The following BICC1 variants were observed in gnomAD, a reference collection of about 807,000 sequenced individuals.
BICC1 encodes protein bicaudal C homolog 1.
In BICC1, 43 loss-of-function variants were observed where a neutral mutation model predicts 111.0. That is an observed-to-expected ratio of 0.39 (90% CI 0.30 to 0.50). The LOEUF is 0.50. Ranked by LOEUF, BICC1 falls within the 20% of genes least tolerant of loss-of-function variation. The pLI is 0.88. For missense variants in BICC1, 1,091 were observed against 1,203.2 expected, an observed-to-expected ratio of 0.91 and a Z score of 1.38; for synonymous variants, 467 against 434.4, an observed-to-expected ratio of 1.07 and a Z score of -0.93.
rs188315233 is a variant in BICC1, at chr10:58,784,104, T to A, written c.308-897T>A. On this transcript the variant is annotated intron_variant, in intron 3 of 20. Transcript: ENST00000373886. Reference sequence around the variant, plus strand: ...CTCATAGCTGGTACTTCCTCATCTTTTTGTGTTACTCTTCTTTTTCTTTTT... The same window carrying A: ...CTCATAGCTGGTACTTCCTCATCTTATTGTGTTACTCTTCTTTTTCTTTTT... 2.0e-3 allele frequency among the ~76,000 whole-genome samples: 309 copies of A among 152,314 alleles called. 4 individuals carry two copies. Among genetic ancestry groups the A allele is most frequent in the South Asian group, 7.3e-3 (35 of 4,824 alleles).
chr10:58,823,021 A>G (rs576004948), intron 20 of BICC1, among the ~76,000 whole-genome samples: 30 of 151,780 alleles, frequency 2.0e-4, no homozygotes, highest in East Asian at 3.9e-4. Context: ...TTTATCTCCA[A>G]TGGAGATGGA....
At position 58,521,147 on chromosome 10, in the gene BICC1, A is replaced by G. The variant is rs186962787; in HGVS notation, c.190+7814A>G. Among the ~76,000 whole-genome samples, 338 of 152,218 alleles carry G rather than the reference A, an allele frequency of 2.2e-3. 3 individuals carry two copies. Among genetic ancestry groups the G allele is most frequent in the African/African-American group, 7.5e-3 (311 of 41,540 alleles). ...TGTTTAAACACTACAACATTTTAGA[A>G]TATTTTTAGGTGGCTAGACAGTGGA... On this transcript the variant is annotated intron_variant, in intron 1 of 20. Coordinates refer to ENST00000373886, the MANE Select transcript of BICC1 (RefSeq NM_001080512.3).
At chr10:58,791,138 C>A (rs1199259174) in intron 8 of BICC1, among the ~76,000 whole-genome samples, 1 of 151,814 alleles carries the variant, frequency 6.6e-6, no homozygotes, top group South Asian at 2.1e-4. Flanking sequence ...TTTTTTTAGC[C>A]GAGCTTATTT....
intron 1 of BICC1, among the ~76,000 whole-genome samples, chr10:58,560,323 C>A (rs1173528770): frequency 1.3e-5 from 2 of 152,014 alleles, no homozygotes; most frequent in Non-Finnish European, 2.9e-5. Flanking sequence ...TTATTCATTT[C>A]CTCTAGGTTT....
chr10:58,670,431 A>C (rs900452414), intron 2 of BICC1, among the ~76,000 whole-genome samples: 3 of 152,144 alleles, frequency 2.0e-5, no homozygotes, highest in Non-Finnish European at 4.4e-5. Context: ...ACGCCTTCCA[A>C]AAAACTCCAC....
intron 2 of BICC1, among the ~76,000 whole-genome samples, chr10:58,676,898 G>A (rs1057033503): frequency 1.3e-5 from 2 of 152,156 alleles, no homozygotes; most frequent in Non-Finnish European, 2.9e-5. Flanking sequence ...TGGTGATATC[G>A]AGGCAAACAG....
At chr10:58,821,942 C>T (rs1844262053) in intron 20 of BICC1, among the ~76,000 whole-genome samples, 1 of 152,064 alleles carries the variant, frequency 6.6e-6, no homozygotes, top group African/African-American at 2.4e-5. Context: ...TATCATCAGG[C>T]TTAGTGAAAA....
intron 2 of BICC1, among the ~76,000 whole-genome samples, chr10:58,663,458 T>C (rs1378861778): frequency 1.3e-5 from 2 of 152,154 alleles, no homozygotes; most frequent in Non-Finnish European, 2.9e-5. Context: ...TTTTCCAACA[T>C]GTCATTTAAA....
chr10:58,578,452 C>G (rs1186382573), intron 1 of BICC1, among the ~76,000 whole-genome samples: 2 of 152,136 alleles, frequency 1.3e-5, no homozygotes, highest in African/African-American at 4.8e-5. Flanking sequence ...ATGTATTGTT[C>G]CGGCTAATCC....
intron 1 of BICC1, among the ~76,000 whole-genome samples, chr10:58,550,100 C>G (rs1843256028): frequency 6.6e-6 from 1 of 152,104 alleles, no homozygotes; most frequent in African/African-American, 2.4e-5. Context: ...AAAGCAGCCT[C>G]AAAATCCTGG....
chr10:58,824,853 T>A (rs1311527941), intron 20 of BICC1, among the ~76,000 whole-genome samples: 2 of 152,200 alleles, frequency 1.3e-5, no homozygotes, highest in Non-Finnish European at 2.9e-5. Context: ...AGTCTGATGA[T>A]TCTGTGTACT....
intron 1 of BICC1, among the ~76,000 whole-genome samples, chr10:58,583,355 C>T (rs1353137241): frequency 6.6e-6 from 1 of 152,088 alleles, no homozygotes; most frequent in East Asian, 1.9e-4. Flanking sequence ...AGTCTTTTAT[C>T]CCTCATCCCC....
intron 1 of BICC1, among the ~76,000 whole-genome samples, chr10:58,594,448 G>T (rs1228137357): frequency 6.6e-6 from 1 of 152,018 alleles, no homozygotes; most frequent in South Asian, 2.1e-4. Context: ...TTGAAATGAG[G>T]GAAAAAATAT....
At chr10:58,730,781 G>A (rs151290316) in intron 3 of BICC1, among the ~76,000 whole-genome samples, 4 of 152,210 alleles carry the variant, frequency 2.6e-5, no homozygotes, top group Non-Finnish European at 5.9e-5. Flanking sequence ...GCTCTTTTGA[G>A]TCAGGGCTGC....
chr10:58,597,285 G>A (rs1844847393), intron 1 of BICC1, among the ~76,000 whole-genome samples: 1 of 151,978 alleles, frequency 6.6e-6, no homozygotes, highest in Non-Finnish European at 1.5e-5. Flanking sequence ...AAAAGGGGAG[G>A]GGGTGTAAGA....
At chr10:58,592,787 G>T (rs1844669578) in intron 1 of BICC1, among the ~76,000 whole-genome samples, 1 of 141,150 alleles carries the variant, frequency 7.1e-6, no homozygotes, top group African/African-American at 2.6e-5. Context: ...TGAAGCAGAA[G>T]AATTGCTTGA....
intron 3 of BICC1, among the ~76,000 whole-genome samples, chr10:58,731,736 G>A (rs1841304119): frequency 6.6e-6 from 1 of 151,394 alleles, no homozygotes; most frequent in Non-Finnish European, 1.5e-5. Context: ...GAGAGAGGGA[G>A]GGAGTGGGGG....
intron 1 of BICC1, among the ~76,000 whole-genome samples, chr10:58,547,334 A>G (rs996437666): frequency 6.6e-6 from 1 of 152,196 alleles, no homozygotes; most frequent in Admixed American, 6.5e-5. Flanking sequence ...GAAGTATTCC[A>G]TAAAACATCC....
intron 1 of BICC1, among the ~76,000 whole-genome samples, chr10:58,583,938 A>T (rs1479094894): frequency 6.6e-6 from 1 of 151,888 alleles, no homozygotes; most frequent in Admixed American, 6.6e-5. Context: ...AAAGCTCTGG[A>T]ATTATAGGCA....
Sources: gnomAD v4.1 joint callset for allele counts (sites outside exome capture counted in the v4.1 genomes callset) on GRCh38, gnomAD v4.1.1 for gene constraint, MANE v1.5 for transcripts, NCBI Gene and HGNC (gene_info 2026-07-23, HGNC 2026-07-21) for gene names.